The following CHD3 variants were observed in gnomAD, a reference collection of about 807,000 sequenced individuals.
CHD3 encodes the protein ATP-dependent chromatin remodeler CHD3.
Under a neutral mutation model 248.9 loss-of-function variants are expected in CHD3, and 52 were observed. The observed-to-expected ratio is 0.21, with a 90% CI of 0.17 to 0.26. The LOEUF (loss-of-function observed/expected upper bound fraction) is 0.26, where lower values mean the gene tolerates loss of function less well. Ranked by LOEUF, CHD3 falls within the 10% of genes least tolerant of loss-of-function variation. The probability of loss-of-function intolerance (pLI) is 1.00; values close to 1 mark genes in which losing one functional copy is unlikely to be tolerated. For missense variants in CHD3, 1,482 were observed against 2,605.8 expected (o/e 0.57, Z 9.39); for synonymous variants, 985 against 985.2 (o/e 1.00, Z 0.00).
chr17:7,901,883 G>T (rs536820606), intron 20 of CHD3, among the ~76,000 whole-genome samples: 1 of 152,068 alleles, frequency 6.6e-6, no homozygotes, highest in Non-Finnish European at 1.5e-5. Flanking sequence ...ATGAGGGAAG[G>T]GGGAGGGTGA....
chr17:7,889,242 T>A lies in CHD3; in HGVS notation c.100+142T>A. 2 of 1,041,598 alleles carry A rather than the reference T, an allele frequency of 1.9e-6. No individual in the cohort carries two copies. The highest frequency in any genetic ancestry group is 2.8e-6 in the Non-Finnish European group (2 of 720,158). 64.5% of individuals were successfully genotyped at this position (1,041,598 alleles called of 1,614,324 possible). A position where few individuals can be genotyped will look rare whatever the true frequency, so the allele number is the denominator to read the frequency against. ...TGGCTTAGGGAGCTGCCAGCTTGTG[T>A]CTCCCCACTCCAAGTGCTGGGGTCA... is the stretch of plus-strand genomic sequence containing the variant. On this transcript the variant is annotated intron_variant, in intron 1 of 39. Transcript: ENST00000330494. This position sits in a 1 kb window ranked among gnomAD's most constrained non-coding sequence, Gnocchi z 4.5.
chr17:7,901,110 C>G, intron 19 of CHD3, 117 bp downstream of exon 19: 1 of 1,511,260 alleles, frequency 6.6e-7, no homozygotes, highest in Non-Finnish European at 8.9e-7. Flanking sequence ...AGGCCACGGA[C>G]TGGGTGTCTG....
Position 7,908,541 on chromosome 17 carries a change from A to G in CHD3, c.5261+31A>G. 1 of 1,592,888 alleles carries G rather than the reference A, an allele frequency of 6.3e-7. No homozygotes were observed. Among genetic ancestry groups the G allele is most frequent in the East Asian group, 2.2e-5 (1 of 44,756 alleles). On this transcript the variant is annotated intron_variant, in intron 35 of 39. Coordinates refer to ENST00000330494, the MANE Select transcript of CHD3 (RefSeq NM_001005273.3). The surrounding 1 kb of genome is among the most constrained non-coding windows in gnomAD (Gnocchi z 5.8). ...CTTTGATACACATGCAAGAAGGAAA[A>G]GGTTCTCTCAAGCTGGCAAAAAAAA...
At position 7,895,267 on chromosome 17, in the gene CHD3, C is replaced by A; in HGVS notation, c.1504-72C>A. 6.3e-7 allele frequency: 1 copy of A among 1,588,460 alleles called. No homozygotes were observed. The highest frequency in any genetic ancestry group is 1.7e-4 in the Middle Eastern group (1 of 5,860). On this transcript the variant is annotated intron_variant, in intron 9 of 39. Coordinates refer to ENST00000330494, the MANE Select transcript of CHD3 (RefSeq NM_001005273.3). The surrounding 1 kb of genome is among the most constrained non-coding windows in gnomAD (Gnocchi z 4.9). The stretch of plus-strand genomic sequence containing the variant: ...GCACTCCCCCACCCTTGTGGGACCC[C>A]TATCTTCTCATCTAACAATGGGTTC...
At chr17:7,894,764 A>G (rs1176893963) in intron 8 of CHD3, 153 bp from the exon 9 acceptor site, 5 of 1,376,848 alleles carry the variant, frequency 3.6e-6, no homozygotes, top group South Asian at 2.7e-5. Context: ...TTCTCCCACA[A>G]TCAACATTTC....
Position 7,906,021 on chromosome 17 carries a change from C to T in CHD3, c.4358+32C>T, listed in dbSNP as rs769593528. ...GTGGGTGATACAGGGCTGAGTTGGA[C>T]GCAAGGGGAAGAGCTTTGGGTGTTC... On this transcript the variant is annotated intron_variant, in intron 28 of 39. Coordinates refer to ENST00000330494, the MANE Select transcript of CHD3 (RefSeq NM_001005273.3). The surrounding 1 kb of genome is among the most constrained non-coding windows in gnomAD (Gnocchi z 5.0). The T allele has an allele frequency of 7.4e-6, 12 of 1,611,462 alleles. No individual in the cohort carries two copies. Among genetic ancestry groups the T allele is most frequent in the East Asian group, 2.2e-5 (1 of 44,858 alleles).
At position 7,897,938 on chromosome 17, in the gene CHD3, T is replaced by A. The variant is rs1251128142; in HGVS notation, c.1920-33T>A. The A allele has an allele frequency of 6.2e-7, 1 of 1,600,108 alleles. No homozygotes were observed. Among genetic ancestry groups the A allele is most frequent in the Non-Finnish European group, 8.5e-7 (1 of 1,174,066 alleles). The stretch of plus-strand genomic sequence containing the variant: ...GTTTGTGATCTGTGCAATATTTTCC[T>A]CCTGCTCCTCCCCATGGCCTCCTGC... On this transcript the variant is annotated intron_variant, in intron 11 of 39. Coordinates refer to ENST00000330494, the MANE Select transcript of CHD3 (RefSeq NM_001005273.3). This position sits in a 1 kb window ranked among gnomAD's most constrained non-coding sequence, Gnocchi z 4.8.
chr17:7,907,770 C>T lies in CHD3; in HGVS notation c.5026+68C>T, dbSNP rs921644932. 9 of 1,502,698 alleles carry T rather than the reference C, an allele frequency of 6.0e-6. No individual in the cohort carries two copies. Among genetic ancestry groups the T allele is most frequent in the Admixed American group, 5.3e-5 (2 of 37,588 alleles). The allele number at this position is 1,502,698 out of a possible 1,614,324, so 93.1% of individuals were successfully genotyped here. ...TCAGGGGAGGTGGAGTCTGGGGAAC[C>T]GAATGCTTGGGTCCTGGGCGGGTAG... On this transcript the variant is annotated intron_variant, in intron 33 of 39. Coordinates refer to ENST00000330494, the MANE Select transcript of CHD3 (RefSeq NM_001005273.3). This position sits in a 1 kb window ranked among gnomAD's most constrained non-coding sequence, Gnocchi z 4.3.
chr17:7,887,525 G>A (rs1968154842), upstream of CHD3, among the ~76,000 whole-genome samples: 1 of 152,102 alleles, frequency 6.6e-6, no homozygotes, highest in Non-Finnish European at 1.5e-5. Flanking sequence ...CTTTGCAAAA[G>A]GTCTGAAAAT....
rs1381655882 is a variant in CHD3, at chr17:7,911,568, A to T, written c.5986A>T (p.Ile1996Phe). 6.2e-7 allele frequency: 1 copy of T among 1,614,066 alleles called. No individual in the cohort carries two copies. The highest frequency in any genetic ancestry group is 8.5e-7 in the Non-Finnish European group (1 of 1,179,948). The change falls in exon 40 of 40, where the codon ATC becomes TTC. Residue 1996 changes from isoleucine to phenylalanine, a missense_variant. Around this residue, in one of 20 missense-constraint regions of CHD3, gnomAD observed 117 missense variants for 137.2 expected, o/e 0.85. Coordinates refer to ENST00000330494, the MANE Select transcript of CHD3 (RefSeq NM_001005273.3). The surrounding 1 kb of genome is among the most constrained non-coding windows in gnomAD (Gnocchi z 5.4). ...GAAGGAGCCCCGAGCCGGGGAGGTG[A>T]TCTGTATAGACGACTGACTGGATCC... is the stretch of plus-strand genomic sequence containing the variant. ...DRKEPRAGEV[I>F]CIDD
rs1970888461 is a variant in CHD3 at position 7,906,045 on chromosome 17, TC to T, written c.4358+58del. ...ACGCAAGGGGAAGAGCTTTGGGTGT[TC>T]CTTTCTTCCTTGGGGCCGCCATATG... On this transcript the variant is annotated intron_variant, in intron 28 of 39. Transcript: ENST00000330494. This position sits in a 1 kb window ranked among gnomAD's most constrained non-coding sequence, Gnocchi z 5.0. The T allele has an allele frequency of 1.2e-6, 2 of 1,607,666 alleles. No individual in the cohort carries two copies. Among genetic ancestry groups the T allele is most frequent in the African/African-American group, 2.7e-5 (2 of 74,754 alleles).
In CHD3 at chr17:7,909,397, C is replaced by T; in HGVS notation, c.5590+59C>T. On this transcript the variant is annotated intron_variant, in intron 37 of 39. Coordinates refer to ENST00000330494, the MANE Select transcript of CHD3 (RefSeq NM_001005273.3). This position sits in a 1 kb window ranked among gnomAD's most constrained non-coding sequence, Gnocchi z 8.1. ...CCCACAACGCTGCGTAAGTCTTCAC[C>T]CCGCACCCCTCAAAATCTTCCCACC... 2 of 1,477,592 alleles carry T rather than the reference C, an allele frequency of 1.4e-6. No individual in the cohort carries two copies. Among genetic ancestry groups the T allele is most frequent in the Non-Finnish European group, 9.0e-7 (1 of 1,111,532 alleles). 91.5% of individuals were successfully genotyped at this position (1,477,592 alleles called of 1,614,324 possible). A position where few individuals can be genotyped will look rare whatever the true frequency, so the allele number is the denominator to read the frequency against.
In CHD3 at chr17:7,900,469, C is replaced by G. The variant is rs1680342349; in HGVS notation, c.2804+58C>G. 6.2e-7 allele frequency: 1 copy of G among 1,612,584 alleles called. No homozygotes were observed. The highest frequency in any genetic ancestry group is 1.3e-5 in the African/African-American group (1 of 74,906). On this transcript the variant is annotated intron_variant, in intron 17 of 39. Transcript: ENST00000330494. This position sits in a 1 kb window ranked among gnomAD's most constrained non-coding sequence, Gnocchi z 6.5. ...TGAGAGGTGGAGCAGATAAAATGAG[C>G]TGGTAGAGGATTAATCTGAGGTGGT...
In CHD3 at chr17:7,889,772, A is replaced by G. The variant is rs1567833092; in HGVS notation, c.209A>G (p.Lys70Arg). 6.2e-7 allele frequency: 1 copy of G among 1,609,622 alleles called. No homozygotes were observed. The highest frequency in any genetic ancestry group is 8.5e-7 in the Non-Finnish European group (1 of 1,177,330). Residue 70 changes from lysine to arginine, a missense_variant, in exon 2 of 40, where the codon AAG becomes AGG. Coordinates refer to ENST00000330494, the MANE Select transcript of CHD3 (RefSeq NM_001005273.3). This position sits in a 1 kb window ranked among gnomAD's most constrained non-coding sequence, Gnocchi z 4.5. ...CCAGGAAAACCCCGAAAACGCAAGA[A>G]GCGTGTAAGTGTCAAGAATTCCTAA... ...NKPGKPRKRKKRDSEEEFGSE... is the reference protein window; with the variant it reads ...NKPGKPRKRKRRDSEEEFGSE...
At position 7,908,072 on chromosome 17, in the gene CHD3, A is replaced by C; in HGVS notation, c.5152+53A>C. Reference sequence around the variant, plus strand: ...TCCTCAAGGGGATCTGCTCATCCTCATGGGGTTTCTCGTTTTGCCTGAGGC... The same window carrying C: ...TCCTCAAGGGGATCTGCTCATCCTCCTGGGGTTTCTCGTTTTGCCTGAGGC... On this transcript the variant is annotated intron_variant, in intron 34 of 39. Coordinates refer to ENST00000330494, the MANE Select transcript of CHD3 (RefSeq NM_001005273.3). The surrounding 1 kb of genome is among the most constrained non-coding windows in gnomAD (Gnocchi z 5.8). 1 of 1,538,290 alleles carries C rather than the reference A, an allele frequency of 6.5e-7. No individual in the cohort carries two copies. The highest frequency in any genetic ancestry group is 8.8e-7 in the Non-Finnish European group (1 of 1,141,316).
At position 7,903,714 on chromosome 17, in the gene CHD3, G is replaced by A. The variant is rs1371399963; in HGVS notation, c.3728-111G>A. ...AAAACCTTTCAACATTGGCTCCCGG[G>A]GAAAAAGCCTTCTCTAGGGCTCCTG... On this transcript the variant is annotated intron_variant, in intron 23 of 39. Transcript: ENST00000330494. The surrounding 1 kb of genome is among the most constrained non-coding windows in gnomAD (Gnocchi z 6.8). 8 of 1,261,280 alleles carry A rather than the reference G, an allele frequency of 6.3e-6. No homozygotes were observed. The highest frequency in any genetic ancestry group is 8.7e-6 in the Non-Finnish European group (8 of 914,590). The allele number at this position is 1,261,280 out of a possible 1,614,324, so 78.1% of individuals were successfully genotyped here. A position where few individuals can be genotyped will look rare whatever the true frequency, so the allele number is the denominator to read the frequency against.
Position 7,912,072 on chromosome 17 carries a change from G to T in CHD3, c.*487G>T, listed in dbSNP as rs1259750073. 4 of 269,268 alleles carry T rather than the reference G, an allele frequency of 1.5e-5. No homozygotes were observed. Among genetic ancestry groups the T allele is most frequent in the Non-Finnish European group, 2.9e-5 (4 of 137,230 alleles). The allele number at this position is 269,268 out of a possible 1,614,324, so 16.7% of individuals were successfully genotyped here. On this transcript the variant is annotated 3_prime_UTR_variant, in exon 40 of 40. Transcript: ENST00000330494. Reference sequence around the variant, plus strand: ...GGATGAAAATGAGCCCTGGGAGGGAGGAAGGGACGAGGAGGGGTGGCTGCA... The same window carrying T: ...GGATGAAAATGAGCCCTGGGAGGGATGAAGGGACGAGGAGGGGTGGCTGCA...
rs1406828485 is a variant in CHD3 at position 7,907,203 on chromosome 17, A to G, written c.4744A>G (p.Lys1582Glu). 1 of 1,614,128 alleles carries G rather than the reference A, an allele frequency of 6.2e-7. No individual in the cohort carries two copies. The highest frequency in any genetic ancestry group is 1.7e-5 in the Admixed American group (1 of 60,016). ...EKEEAENQEE[K>E]PEKNSRIGEK... ...GGAGGAAGCTGAAAACCAGGAGGAA[A>G]AGCCAGAGAAGAACAGCAGAATTGG... The change falls in exon 31 of 40, where the codon AAG (lysine) becomes GAG (glutamate). Residue 1582 changes from lysine (K) to glutamate (E), a missense_variant. By Grantham distance (56) the Lys-to-Glu change is moderately conservative (BLOSUM62 1). This residue lies in a region of CHD3 where 254 missense variants were observed against 266.7 expected (regional missense o/e 0.95). Transcript: ENST00000330494. The surrounding 1 kb of genome is among the most constrained non-coding windows in gnomAD (Gnocchi z 4.3).
rs758691073 is a variant in CHD3, at chr17:7,895,509, C to G, written c.1674C>G (p.Ser558=). The G allele has an allele frequency of 6.2e-7, 1 of 1,613,928 alleles. No individual in the cohort carries two copies. Among genetic ancestry groups the G allele is most frequent in the East Asian group, 2.2e-5 (1 of 44,876 alleles). ...TCTTTGTCAAGTGGGTAGGACTATC[C>G]TACTGGCACTGCTCCTGGGCCAAGG... ...REFFVKWVGL[S]YWHCSWAKEL... is the part of the protein sequence containing the mutation. Residue 558 remains serine (S), a synonymous_variant, in exon 10 of 40, where the codon TCC becomes TCG. Transcript: ENST00000330494. The surrounding 1 kb of genome is among the most constrained non-coding windows in gnomAD (Gnocchi z 4.9).
Sources: gnomAD v4.1 joint callset for allele counts (sites outside exome capture counted in the v4.1 genomes callset) on GRCh38, gnomAD v4.1.1 for gene constraint, gnomAD v4.1.1 regional missense constraint, Gnocchi (gnomAD v3.1) non-coding constraint, MANE v1.5 for transcripts, NCBI Gene and HGNC (gene_info 2026-07-23, HGNC 2026-07-21) for gene names.